The following TESK2 variants were observed in gnomAD, a reference collection of about 807,000 sequenced individuals.
TESK2 encodes dual specificity testis-specific protein kinase 2.
A neutral mutation model predicts 57.1 loss-of-function variants in TESK2; 39 were observed. That is an observed-to-expected ratio of 0.68 (90% CI 0.53 to 0.89). The LOEUF is 0.89. Among genes scored for constraint, TESK2 ranks in the 40% least tolerant of loss-of-function variants. TESK2 has a pLI of 0.00. For missense variants in TESK2, 646 were observed against 732.1 expected, an observed-to-expected ratio of 0.88 and a Z score of 1.36; for synonymous variants, 249 against 267.9, an observed-to-expected ratio of 0.93 and a Z score of 0.69.
intron 1 of TESK2, among the ~76,000 whole-genome samples, chr1:45,487,027 C>G (rs1653512359): frequency 6.6e-6 from 1 of 151,800 alleles, no homozygotes; most frequent in East Asian, 1.9e-4. Flanking sequence ...CAGGGTTTCT[C>G]CATGTTGGTC....
At chr1:45,389,152 G>A in intron 3 of TESK2, among the ~76,000 whole-genome samples, 1 of 152,184 alleles carries the variant, frequency 6.6e-6, no homozygotes, top group East Asian at 1.9e-4. Context: ...AGTGGTTCAT[G>A]CATATAATCC....
At chr1:45,398,914 T>A in intron 3 of TESK2, 2 of 420,118 alleles carry the variant, frequency 4.8e-6, no homozygotes, top group Admixed American at 3.1e-5. Context: ...TGGAGGAACC[T>A]GAGGCCCTCT....
chr1:45,345,426 G>C lies in TESK2; in HGVS notation c.1130C>G (p.Pro377Arg), dbSNP rs758849663. 3 of 1,614,166 alleles carry C rather than the reference G, an allele frequency of 1.9e-6. No individual in the cohort carries two copies. The highest frequency in any genetic ancestry group is 1.7e-6 in the Non-Finnish European group (2 of 1,180,034). Reference protein sequence around the residue: ...SQSDIFSRKPPRTVSVLDPYY... With the variant: ...SQSDIFSRKPRRTVSVLDPYY... ...TGGGTCCAAGACACTCACTGTACGTGGGGGCTTACGGGAAAAGATATCTGA... is the reference window on the plus strand; with the variant it reads ...TGGGTCCAAGACACTCACTGTACGTCGGGGCTTACGGGAAAAGATATCTGA... Residue 377 changes from proline to arginine, a missense_variant, in exon 11 of 11, where the codon CCA becomes CGA. Physicochemically the swap from Pro to Arg is moderately radical, Grantham distance 103. Coordinates refer to ENST00000372086, the MANE Select transcript of TESK2 (RefSeq NM_007170.3).
chr1:45,448,926 G>T (rs1345856374), intron 2 of TESK2, among the ~76,000 whole-genome samples: 2 of 152,228 alleles, frequency 1.3e-5, no homozygotes, highest in East Asian at 1.9e-4. Flanking sequence ...TTCATTCCTG[G>T]TTGAAATGCA....
At chr1:45,475,824 G>A (rs542651860) in intron 1 of TESK2, among the ~76,000 whole-genome samples, 4 of 151,968 alleles carry the variant, frequency 2.6e-5, no homozygotes, top group South Asian at 2.1e-4. Flanking sequence ...TGAGTCTTCC[G>A]GCCTTCATCT....
intron 1 of TESK2, among the ~76,000 whole-genome samples, chr1:45,470,193 T>A (rs1652707337): frequency 6.6e-6 from 1 of 152,176 alleles, no homozygotes; most frequent in African/African-American, 2.4e-5. Flanking sequence ...CCAGAATAAA[T>A]TAAGGATTCA....
At chr1:45,348,079 C>A in intron 5 of TESK2, 79 bp from the exon 6 acceptor site, 1 of 956,876 alleles carries the variant, frequency 1.0e-6, no homozygotes, top group Non-Finnish European at 1.7e-6. Context: ...CCATTCCCCC[C>A]TTCCTATCAC....
At chr1:45,487,106 G>A (rs1653517231) in intron 1 of TESK2, among the ~76,000 whole-genome samples, 1 of 152,098 alleles carries the variant, frequency 6.6e-6, no homozygotes, top group Non-Finnish European at 1.5e-5. Context: ...TGGGATTACA[G>A]GTGTGAGCAA....
chr1:45,413,404 C>A (rs1380066963), intron 3 of TESK2, among the ~76,000 whole-genome samples: 7 of 152,138 alleles, frequency 4.6e-5, no homozygotes, highest in African/African-American at 1.7e-4. Flanking sequence ...AAGAGAACTA[C>A]AAAGGTTCAG....
At chr1:45,459,705 T>G (rs1196307324) in intron 1 of TESK2, among the ~76,000 whole-genome samples, 3 of 152,108 alleles carry the variant, frequency 2.0e-5, no homozygotes, top group Non-Finnish European at 2.9e-5. Context: ...TAGCCAGGCA[T>G]GATGGTACAC....
At chr1:45,486,920 T>C in intron 1 of TESK2, among the ~76,000 whole-genome samples, 1 of 151,242 alleles carries the variant, frequency 6.6e-6, no homozygotes, top group East Asian at 2.0e-4. Flanking sequence ...CCACCCGGGT[T>C]CAAGCGATTC....
At chr1:45,407,937 C>T (rs1249038400) in intron 3 of TESK2, among the ~76,000 whole-genome samples, 1 of 152,154 alleles carries the variant, frequency 6.6e-6, no homozygotes, top group Non-Finnish European at 1.5e-5. Context: ...TCAGGAAATA[C>T]ATAAGTTCTT....
In TESK2 at chr1:45,482,980, CAA is replaced by C. The variant is rs71052882; in HGVS notation, c.-87+7870_-87+7871del. Among the ~76,000 whole-genome samples the C allele has an allele frequency of 3.5e-3, 427 of 121,540 alleles. 4 individuals are homozygous for C. Among genetic ancestry groups the C allele is most frequent in the African/African-American group, 7.9e-3 (249 of 31,428 alleles). The allele number at this position is 121,540 out of a possible 152,430, so 79.7% of individuals were successfully genotyped here. On this transcript the variant is annotated intron_variant, in intron 1 of 10. Coordinates refer to ENST00000372086, the MANE Select transcript of TESK2 (RefSeq NM_007170.3). ...GGGTGACAAGAACAAAACTCCAATTCAAAAAAAAAAAAAAAATGTCCGGGCGC... is the reference window on the plus strand; with the variant it reads ...GGGTGACAAGAACAAAACTCCAATTCAAAAAAAAAAAAAATGTCCGGGCGC...
chr1:45,461,658 T>C (rs1028441699), intron 1 of TESK2, among the ~76,000 whole-genome samples: 1 of 152,146 alleles, frequency 6.6e-6, no homozygotes, highest in African/African-American at 2.4e-5. Context: ...TAAAAGATAT[T>C]GAAGTAATAT....
At chr1:45,372,203 A>G (rs994042179) in intron 4 of TESK2, among the ~76,000 whole-genome samples, 1 of 152,128 alleles carries the variant, frequency 6.6e-6, no homozygotes, top group African/African-American at 2.4e-5. Flanking sequence ...AGCCATGATC[A>G]TCCCACTGCA....
rs1337983056 is a variant in TESK2 at position 45,347,904 on chromosome 1, GT to G, written c.623+13del. ...CCTGTCCCTTGGACCCCAGCATCCA[GT>G]AGGGCTACACACCTGACATCGGGGA... is the stretch of plus-strand genomic sequence containing the variant. On this transcript the variant is annotated intron_variant, in intron 6 of 10. Transcript: ENST00000372086. 1 of 1,604,334 alleles carries G rather than the reference GT, an allele frequency of 6.2e-7. No individual in the cohort carries two copies. The highest frequency in any genetic ancestry group is 1.7e-5 in the Admixed American group (1 of 60,014).
chr1:45,349,430 C>T (rs920443324), intron 5 of TESK2, among the ~76,000 whole-genome samples: 2 of 152,114 alleles, frequency 1.3e-5, no homozygotes, highest in Admixed American at 1.3e-4. Flanking sequence ...AGAAGATGGG[C>T]CCTAGGCCAG....
chr1:45,475,019 C>T (rs1652923173), intron 1 of TESK2, among the ~76,000 whole-genome samples: 2 of 142,160 alleles, frequency 1.4e-5, no homozygotes, highest in African/African-American at 2.6e-5. Flanking sequence ...AAAGGCAACT[C>T]ATGGGCTGGG....
At position 45,460,363 on chromosome 1, in the gene TESK2, C is replaced by CA. The variant is rs200877025; in HGVS notation, c.-86-2493dup. On this transcript the variant is annotated intron_variant, in intron 1 of 10. Transcript: ENST00000372086. ...CAAAACCCTCTCTCTACGAAAAACA[C>CA]AAAAAAATTAGCTGGGCGTGGTGGC... Among the ~76,000 whole-genome samples, 594 of 151,856 alleles carry CA rather than the reference C, an allele frequency of 3.9e-3. 14 individuals carry two copies. Among genetic ancestry groups the CA allele is most frequent in the Admixed American group, 0.035 (538 of 15,228 alleles).
Sources: gnomAD v4.1 joint callset for allele counts (sites outside exome capture counted in the v4.1 genomes callset) on GRCh38, gnomAD v4.1.1 for gene constraint, MANE v1.5 for transcripts, NCBI Gene and HGNC (gene_info 2026-07-23, HGNC 2026-07-21) for gene names.